RGS7: variants seen among roughly 807,000 people sequenced by gnomAD.
The protein encoded by RGS7 is regulator of G protein signaling 7, also known as regulator of G-protein signaling 7.
In RGS7, 27 loss-of-function variants were observed where a neutral mutation model predicts 81.1. The ratio of observed to expected loss-of-function variants is 0.33; its 90% CI spans 0.25 to 0.46. RGS7 has a LOEUF of 0.46. Ranked by LOEUF, RGS7 falls within the 20% of genes least tolerant of loss-of-function variation. The pLI, the probability that RGS7 is intolerant of heterozygous loss-of-function variation, is 1.00. For missense variants in RGS7, 396 were observed against 607.4 expected, an observed-to-expected ratio of 0.65 and a Z score of 3.66; for synonymous variants, 208 against 207.7, an observed-to-expected ratio of 1.00 and a Z score of -0.01.
chr1:241,007,853 C>T (rs541571070), intron 3 of RGS7, among the ~76,000 whole-genome samples: 2 of 152,228 alleles, frequency 1.3e-5, no homozygotes, highest in East Asian at 1.9e-4. Flanking sequence ...GTGATTAAGG[C>T]GCTGCATCTT....
intron 18 of RGS7, among the ~76,000 whole-genome samples, chr1:240,799,443 T>C (rs562281484): frequency 6.6e-6 from 1 of 152,064 alleles, no homozygotes; most frequent in African/African-American, 2.4e-5. Flanking sequence ...ACTTCTGGGA[T>C]TTCTCAGATT....
intron 2 of RGS7, among the ~76,000 whole-genome samples, chr1:241,244,240 T>C (rs1308237630): frequency 2.6e-5 from 4 of 151,938 alleles, no homozygotes; most frequent in Non-Finnish European, 5.9e-5. Flanking sequence ...GAATCTACAA[T>C]GAACTCAAAC....
At chr1:240,833,218 G>A (rs866806558) in intron 9 of RGS7, among the ~76,000 whole-genome samples, 1 of 152,186 alleles carries the variant, frequency 6.6e-6, no homozygotes, top group Non-Finnish European at 1.5e-5. Flanking sequence ...AGACTACTAA[G>A]TGCCTAACAG....
intron 6 of RGS7, among the ~76,000 whole-genome samples, chr1:240,876,739 T>C (rs1665484320): frequency 6.6e-6 from 1 of 152,078 alleles, no homozygotes; most frequent in Admixed American, 6.6e-5. Context: ...GGCAGGCAGA[T>C]TGCTTGAGCT....
At chr1:241,189,409 A>G (rs1218358027) in intron 2 of RGS7, among the ~76,000 whole-genome samples, 1 of 152,280 alleles carries the variant, frequency 6.6e-6, no homozygotes, top group African/African-American at 2.4e-5. Flanking sequence ...TCTATATTCT[A>G]GATACTAGTC....
intron 3 of RGS7, among the ~76,000 whole-genome samples, chr1:241,005,972 A>G (rs560674841): frequency 6.6e-6 from 1 of 152,264 alleles, no homozygotes; most frequent in South Asian, 2.1e-4. Flanking sequence ...AATTTTTTCC[A>G]GTTTATGGCT....
chr1:240,947,161 G>GAGGCTGGCCTTTGAGCC (rs1233030386), intron 4 of RGS7, among the ~76,000 whole-genome samples: 4 of 152,188 alleles, frequency 2.6e-5, no homozygotes, highest in African/African-American at 9.7e-5. Context: ...CAATGGTTAT[G>GAGGCTGGCCTTTGAGCC]AGGCTGGCCT....
intron 3 of RGS7, among the ~76,000 whole-genome samples, chr1:240,983,415 G>A: frequency 6.6e-6 from 1 of 152,270 alleles, no homozygotes; most frequent in Middle Eastern, 3.4e-3. Flanking sequence ...TACTAAATAA[G>A]TGTTTATTAA....
At position 241,129,268 on chromosome 1, in the gene RGS7, C is replaced by CA. The variant is rs1293764553; in HGVS notation, c.79-30507dup. ...TGGCTACTAGAAACAAACAAACAAA[C>CA]AAAAAAAAAACGGAACTCAAAACAC... On this transcript the variant is annotated intron_variant, in intron 2 of 18. Transcript: ENST00000440928. Among the ~76,000 whole-genome samples, 670 of 146,308 alleles carry CA rather than the reference C, an allele frequency of 4.6e-3. 4 individuals carry two copies. The highest frequency in any genetic ancestry group is 0.014 in the Middle Eastern group (4 of 286).
At chr1:241,337,420 G>C (rs920920757) in intron 2 of RGS7, among the ~76,000 whole-genome samples, 1 of 152,030 alleles carries the variant, frequency 6.6e-6, no homozygotes, top group African/African-American at 2.4e-5. Context: ...GGAAATCAGG[G>C]AATCACTGCA....
chr1:241,292,058 A>G (rs974287557), intron 2 of RGS7, among the ~76,000 whole-genome samples: 1 of 152,176 alleles, frequency 6.6e-6, no homozygotes, highest in East Asian at 1.9e-4. Flanking sequence ...CAGATCATCC[A>G]TATCACTGTT....
At chr1:240,783,872 C>A (rs1320031899) in intron 18 of RGS7, among the ~76,000 whole-genome samples, 1 of 151,952 alleles carries the variant, frequency 6.6e-6, no homozygotes, top group Non-Finnish European at 1.5e-5. Context: ...TATTTTATTG[C>A]TGTCATAAAA....
chr1:241,208,386 G>A (rs6666687), intron 2 of RGS7, among the ~76,000 whole-genome samples: 2,355 of 152,120 alleles, frequency 0.015, 54 homozygotes, highest in African/African-American at 0.053. Flanking sequence ...ACCACACCAC[G>A]ACACTGCTGG....
chr1:241,017,439 CAA>C (rs554731685), intron 3 of RGS7, among the ~76,000 whole-genome samples: 17 of 73,068 alleles, frequency 2.3e-4, no homozygotes, highest in Admixed American at 7.7e-4. Context: ...CACTCTGTCT[CAA>C]AAAAAAAAAA....
chr1:240,839,756 A>ATTGCTAATTTTGGTTTAGT (rs1160038793), intron 9 of RGS7, among the ~76,000 whole-genome samples: 1 of 152,128 alleles, frequency 6.6e-6, no homozygotes, highest in Non-Finnish European at 1.5e-5. Context: ...AGCCTGCCAG[A>ATTGCTAATTTTGGTTTAGT]TTCATTGCTA....
intron 3 of RGS7, among the ~76,000 whole-genome samples, chr1:241,050,387 G>A (rs1344862928): frequency 6.6e-6 from 1 of 152,152 alleles, no homozygotes; most frequent in Non-Finnish European, 1.5e-5. Context: ...GTAGGCTAGA[G>A]GCTGGGGTTA....
chr1:241,337,103 A>G (rs1175133429), intron 2 of RGS7, among the ~76,000 whole-genome samples: 1 of 152,148 alleles, frequency 6.6e-6, no homozygotes, highest in African/African-American at 2.4e-5. Flanking sequence ...TCTAGGCCTC[A>G]TTTTCCTCAT....
intron 2 of RGS7, among the ~76,000 whole-genome samples, chr1:241,194,726 A>G (rs2072938196): frequency 6.6e-6 from 1 of 152,366 alleles, no homozygotes; most frequent in East Asian, 1.9e-4. Context: ...GTTTGAAGTC[A>G]TCAGAGAGCC....
At chr1:240,971,094 T>C (rs551030765) in intron 4 of RGS7, among the ~76,000 whole-genome samples, 1 of 152,094 alleles carries the variant, frequency 6.6e-6, no homozygotes, top group East Asian at 1.9e-4. Flanking sequence ...CGGGAGGTGA[T>C]TAGGTAATGA....
Sources: gnomAD v4.1 joint callset for allele counts (sites outside exome capture counted in the v4.1 genomes callset) on GRCh38, gnomAD v4.1.1 for gene constraint, MANE v1.5 for transcripts, NCBI Gene and HGNC (gene_info 2026-07-23, HGNC 2026-07-21) for gene names.